NR5A2: variants seen among roughly 807,000 people sequenced by gnomAD.
NR5A2 encodes CYP7A promoter-binding factor.
A neutral mutation model predicts 62.7 loss-of-function variants in NR5A2; 26 were observed. That is an observed-to-expected ratio of 0.41 (90% CI 0.30 to 0.58). The LOEUF (loss-of-function observed/expected upper bound fraction) is 0.58, where lower values mean the gene tolerates loss of function less well. Among genes scored for constraint, NR5A2 ranks in the 20% least tolerant of loss-of-function variants. The probability of loss-of-function intolerance (pLI) is 0.22; values close to 1 mark genes in which losing one functional copy is unlikely to be tolerated. For synonymous variants in NR5A2, 246 were observed against 241.7 expected (o/e 1.02, Z -0.16); for missense variants, 541 against 669.1 (o/e 0.81, Z 2.11).
intron 5 of NR5A2, among the ~76,000 whole-genome samples, chr1:200,087,945 T>C (rs1162811055): frequency 6.6e-6 from 1 of 152,012 alleles, no homozygotes; most frequent in African/African-American, 2.4e-5. Context: ...GAGATGGAGT[T>C]TCACCATGTT....
intron 5 of NR5A2, among the ~76,000 whole-genome samples, chr1:200,060,852 C>T (rs1429027857): frequency 1.3e-5 from 2 of 151,232 alleles, no homozygotes; most frequent in African/African-American, 2.4e-5. Flanking sequence ...GCCTGTAATC[C>T]CAACACTTTG....
At position 200,141,150 on chromosome 1, in the gene NR5A2, G is replaced by A. The variant is rs528561385; in HGVS notation, c.1378+20195G>A. 2.6e-5 allele frequency among the ~76,000 whole-genome samples: 4 copies of A among 152,300 alleles called. No homozygotes were observed. In the East Asian group the frequency reaches 7.7e-4, roughly 29 times the overall value. On this transcript the variant is annotated intron_variant, in intron 7 of 7. Coordinates refer to ENST00000367362, the MANE Select transcript of NR5A2 (RefSeq NM_205860.3). ...AATGCACTCGTTTGTGTGTTTGTAT[G>A]TGTTGGGGGGTGGGTTCTGGCAATG... is the stretch of plus-strand genomic sequence containing the variant.
Position 200,048,154 on chromosome 1 carries a change from C to T in NR5A2, c.464-18C>T. 1 of 1,572,042 alleles carries T rather than the reference C, an allele frequency of 6.4e-7. No individual in the cohort carries two copies. The highest frequency in any genetic ancestry group is 8.6e-7 in the Non-Finnish European group (1 of 1,159,406). On this transcript the variant is annotated intron_variant, in intron 4 of 7. Transcript: ENST00000367362. The surrounding 1 kb of genome is among the most constrained non-coding windows in gnomAD (Gnocchi z 4.8). ...TATTTATACCTTTCCTTCCTTCCCC[C>T]CACCCCACCCCCAACAGCTGTAAGG...
Position 200,057,559 on chromosome 1 carries a change from A to G in NR5A2, c.1110+8741A>G, listed in dbSNP as rs990039343. ...AGTGGCACGATCTTGGCTCATGGCAACCTCCACCTCCTGCATTCAAGTGAT... is the reference window on the plus strand; with the variant it reads ...AGTGGCACGATCTTGGCTCATGGCAGCCTCCACCTCCTGCATTCAAGTGAT... On this transcript the variant is annotated intron_variant, in intron 5 of 7. Coordinates refer to ENST00000367362, the MANE Select transcript of NR5A2 (RefSeq NM_205860.3). The G allele has an allele frequency of 9.3e-6, 3 of 321,632 alleles. No individual in the cohort carries two copies. The Admixed American group carries it at 1.1e-4, about 12-fold the overall frequency. 19.9% of individuals were successfully genotyped at this position (321,632 alleles called of 1,614,324 possible).
At chr1:200,095,616 C>A (rs534366016) in intron 5 of NR5A2, among the ~76,000 whole-genome samples, 3 of 151,434 alleles carry the variant, frequency 2.0e-5, no homozygotes, top group Non-Finnish European at 4.4e-5. Flanking sequence ...GCAGTGGTGC[C>A]ATCTCAGCTC....
chr1:200,122,204 C>CA, intron 7 of NR5A2, among the ~76,000 whole-genome samples: 1 of 152,236 alleles, frequency 6.6e-6, no homozygotes, highest in African/African-American at 2.4e-5. Flanking sequence ...AAGTTCTGTT[C>CA]AAGTAAGTCT....
intron 5 of NR5A2, among the ~76,000 whole-genome samples, chr1:200,093,408 G>A (rs1294066633): frequency 6.6e-6 from 1 of 151,982 alleles, no homozygotes; most frequent in East Asian, 1.9e-4. Context: ...TGAAGAAATG[G>A]GCCAAAATAA....
At chr1:200,111,919 T>C (rs1665972272) in intron 6 of NR5A2, among the ~76,000 whole-genome samples, 1 of 152,214 alleles carries the variant, frequency 6.6e-6, no homozygotes, top group East Asian at 1.9e-4. Flanking sequence ...TACTCTGTGC[T>C]AGTTACTTTT....
At chr1:200,074,406 GAAAAA>G (rs565272182) in intron 5 of NR5A2, among the ~76,000 whole-genome samples, 1 of 92,718 alleles carries the variant, frequency 1.1e-5, no homozygotes, top group Non-Finnish European at 2.2e-5. Flanking sequence ...TAAAAGAAAA[GAAAAA>G]AAAAAGAAAA....
intron 5 of NR5A2, among the ~76,000 whole-genome samples, chr1:200,080,965 G>A (rs1438252965): frequency 6.6e-6 from 1 of 152,072 alleles, no homozygotes; most frequent in African/African-American, 2.4e-5. Context: ...TTTTCCTCTG[G>A]AATATTGCAA....
At chr1:200,171,899 C>G (rs1352902304) in intron 7 of NR5A2, among the ~76,000 whole-genome samples, 1 of 152,126 alleles carries the variant, frequency 6.6e-6, no homozygotes, top group Non-Finnish European at 1.5e-5. Flanking sequence ...TTTTCCTTAA[C>G]AGAGCAGCAT....
intron 7 of NR5A2, among the ~76,000 whole-genome samples, chr1:200,136,678 A>G (rs916051147): frequency 6.6e-6 from 1 of 152,170 alleles, no homozygotes; most frequent in Non-Finnish European, 1.5e-5. Flanking sequence ...TTGATTAAGT[A>G]TGTAGATCAG....
Position 200,120,934 on chromosome 1 carries a change from T to A in NR5A2, c.1357T>A (p.Phe453Ile). The A allele has an allele frequency of 1.9e-6, 3 of 1,614,002 alleles. No individual in the cohort carries two copies. Among genetic ancestry groups the A allele is most frequent in the Non-Finnish European group, 2.5e-6 (3 of 1,179,946 alleles). ...TCAACGAGAGTTCGTATGTCTGAAA[T>A]TCTTGGTGCTCTTTAGTTTAGGTAA... Reference protein sequence around the residue: ...FDQREFVCLKFLVLFSLDVKN... With the variant: ...FDQREFVCLKILVLFSLDVKN... Residue 453 changes from phenylalanine to isoleucine, a missense_variant, in exon 7 of 8, where the codon TTC becomes ATC. By Grantham distance (21) the Phe-to-Ile change is conservative. Transcript: ENST00000367362.
intron 7 of NR5A2, chr1:200,148,146 G>T (rs1250375102): frequency 5.4e-6 from 2 of 372,476 alleles, no homozygotes; most frequent in Non-Finnish European, 8.6e-6. Context: ...GCTGGAGGAG[G>T]TGTCCAAGAG....
intron 5 of NR5A2, chr1:200,057,867 G>A (rs1434788510): frequency 1.3e-5 from 2 of 155,942 alleles, no homozygotes; most frequent in Non-Finnish European, 1.4e-5. Context: ...GCACAGTCTC[G>A]GCTCACTGCA....
rs139337281 is a variant in NR5A2 at position 200,119,612 on chromosome 1, C to G, written c.1231-1196C>G. Reference sequence around the variant, plus strand: ...AACTTCTTATGTCCCCATGAATAATCTAAGATTGGTGCCTAGCAACACTTT... The same window carrying G: ...AACTTCTTATGTCCCCATGAATAATGTAAGATTGGTGCCTAGCAACACTTT... On this transcript the variant is annotated intron_variant, in intron 6 of 7. Transcript: ENST00000367362. Among the ~76,000 whole-genome samples the G allele has an allele frequency of 3.9e-5, 6 of 152,278 alleles. No homozygotes were observed. In the East Asian group the frequency reaches 9.7e-4, roughly 24 times the overall value.
At chr1:200,118,269 G>A (rs769099331) in intron 6 of NR5A2, among the ~76,000 whole-genome samples, 4 of 151,952 alleles carry the variant, frequency 2.6e-5, no homozygotes, top group African/African-American at 4.8e-5. Flanking sequence ...CACCCACCTC[G>A]GCCTCCCAAA....
intron 1 of NR5A2, among the ~76,000 whole-genome samples, chr1:200,034,506 T>G (rs1197811542): frequency 1.3e-5 from 2 of 151,108 alleles, no homozygotes; most frequent in Non-Finnish European, 2.9e-5. Context: ...TTCAGTGAAC[T>G]CTTTTTATAC....
intron 5 of NR5A2, among the ~76,000 whole-genome samples, chr1:200,095,752 C>T (rs1483085011): frequency 2.0e-5 from 3 of 151,972 alleles, no homozygotes; most frequent in African/African-American, 7.3e-5. Context: ...CAGGGTTTTA[C>T]CACGTTAGCC....
Sources: allele counts gnomAD v4.1 joint callset (sites outside exome capture counted in the v4.1 genomes callset), GRCh38; gene constraint gnomAD v4.1.1; non-coding constraint Gnocchi (gnomAD v3.1); transcripts MANE v1.5; gene names NCBI Gene and HGNC (gene_info 2026-07-23, HGNC 2026-07-21).